The following XKRX variants were observed in gnomAD, a reference collection of about 807,000 sequenced individuals.
XKRX encodes the protein XK related X-linked, also known as XK-related protein 2.
A neutral mutation model predicts 22.4 loss-of-function variants in XKRX; 11 were observed. That is an observed-to-expected ratio of 0.49 (90% CI 0.31 to 0.81). The LOEUF (loss-of-function observed/expected upper bound fraction) is 0.81, where lower values mean the gene tolerates loss of function less well. Among genes scored for constraint, XKRX ranks in the 40% least tolerant of loss-of-function variants. The pLI, the probability that XKRX is intolerant of heterozygous loss-of-function variation, is 0.05. For missense variants in XKRX, 320 were observed against 336.5 expected, an observed-to-expected ratio of 0.95 and a Z score of 0.38; for synonymous variants, 114 against 132.2, an observed-to-expected ratio of 0.86 and a Z score of 0.94.
the XKRX span, among the ~76,000 whole-genome samples, chrX:100,888,996 T>A: frequency 0.028 from 3,036 of 110,286 alleles, 104 homozygotes; most frequent in African/African-American, 0.095. Context: ...CCTAGCACTA[T>A]GGGAGGTTGA....
chrX:100,945,355 G>A, the XKRX span, among the ~76,000 whole-genome samples: 1 of 111,366 alleles, frequency 9.0e-6, no homozygotes, highest in Non-Finnish European at 1.9e-5. Flanking sequence ...CCAAACTCAA[G>A]TGATCTGCCT....
intron 2 of XKRX, among the ~76,000 whole-genome samples, chrX:100,920,018 C>T (rs948830137): frequency 9.0e-6 from 1 of 111,075 alleles, no homozygotes; most frequent in Non-Finnish European, 1.9e-5. Flanking sequence ...TGACATAGGG[C>T]TCCTGCTGCC....
chrX:100,953,629 C>A, the XKRX span, among the ~76,000 whole-genome samples: 1 of 111,571 alleles, frequency 9.0e-6, no homozygotes. Context: ...CCTCTTAAGG[C>A]CAGGCGTGGT....
chrX:100,903,239 T>G, the XKRX span, among the ~76,000 whole-genome samples: 1 of 111,038 alleles, frequency 9.0e-6, no homozygotes, highest in Non-Finnish European at 1.9e-5. Context: ...GATAATGCAA[T>G]AAAGCAAGAA....
chrX:100,935,469 T>A, the XKRX span, among the ~76,000 whole-genome samples: 1 of 112,206 alleles, frequency 8.9e-6, no homozygotes, highest in Non-Finnish European at 1.9e-5. Context: ...AGCTAGCTGC[T>A]AGGTTCTAAA....
downstream of XKRX, chrX:100,910,610 G>T: frequency 2.0e-5 from 5 of 246,329 alleles, no homozygotes; most frequent in East Asian, 6.8e-5. Flanking sequence ...AAAGATTTCA[G>T]AGAGGACTGT....
chrX:100,946,833 T>G, the XKRX span, among the ~76,000 whole-genome samples: 1 of 111,789 alleles, frequency 8.9e-6, no homozygotes, highest in African/African-American at 3.2e-5. Context: ...AGGAACTCAC[T>G]GATGTAATCC....
the XKRX span, among the ~76,000 whole-genome samples, chrX:100,947,980 G>A: frequency 9.5e-6 from 1 of 105,272 alleles, no homozygotes; most frequent in Admixed American, 1.0e-4. Context: ...TTGGCTCATT[G>A]CAACCTCCTC....
the XKRX span, among the ~76,000 whole-genome samples, chrX:100,896,117 C>A: frequency 9.0e-6 from 1 of 111,640 alleles, no homozygotes; most frequent in Non-Finnish European, 1.9e-5. Flanking sequence ...TCCACACTGG[C>A]TCTGTGGAAA....
At chrX:100,923,166 T>C in intron 1 of XKRX, 105 bp from the exon 2 acceptor site, 1 of 1,003,980 alleles carries the variant, frequency 1.0e-6, no homozygotes, top group African/African-American at 1.9e-5. Flanking sequence ...TTTATTTTAT[T>C]TTTGAGACAA....
rs1255930385 is a variant in XKRX at position 100,923,132 on chromosome X, A to G, written c.336-71T>C. ...AAGGGAGGTTGTAGTGAGGGAAAAA[A>G]ATAACTTGGGGAGGTTGTGCTACTT... On this transcript the variant is annotated intron_variant, in intron 1 of 2. Transcript: ENST00000372956. The G allele has an allele frequency of 4.4e-6, 5 of 1,140,757 alleles. No individual in the cohort carries two copies. In the East Asian group the frequency reaches 1.5e-4, roughly 34 times the overall value. The allele number at this position is 1,140,757 out of a possible 1,213,427, so 94.0% of individuals were successfully genotyped here. A position where few individuals can be genotyped will look rare whatever the true frequency, so the allele number is the denominator to read the frequency against.
At chrX:100,922,159 G>T (rs1236159690) in intron 2 of XKRX, among the ~76,000 whole-genome samples, 1 of 110,628 alleles carries the variant, frequency 9.0e-6, no homozygotes, top group African/African-American at 3.3e-5. Flanking sequence ...CTCTCCACTG[G>T]CATTAGCAGA....
chrX:100,954,140 C>T, the XKRX span, among the ~76,000 whole-genome samples: 3 of 110,903 alleles, frequency 2.7e-5, no homozygotes, highest in East Asian at 2.9e-4. Context: ...AAATGACAGC[C>T]GGGCGCAGTG....
chrX:100,949,107 C>T, the XKRX span, among the ~76,000 whole-genome samples: 1 of 112,387 alleles, frequency 8.9e-6, no homozygotes, highest in Non-Finnish European at 1.9e-5. Context: ...GCAGAACTTA[C>T]AATCTCACCC....
upstream of XKRX, among the ~76,000 whole-genome samples, chrX:100,930,539 T>C (rs1373604497): frequency 1.8e-5 from 2 of 110,870 alleles, no homozygotes; most frequent in Non-Finnish European, 3.8e-5. Flanking sequence ...ATCTAAAGGT[T>C]GTCACCTTCT....
rs2147942290 is a variant in XKRX, at chrX:100,923,022, C to T, written c.375G>A (p.Lys125=). 8.3e-7 allele frequency: 1 copy of T among 1,212,052 alleles called. No homozygotes were observed. The highest frequency in any genetic ancestry group is 1.1e-6 in the Non-Finnish European group (1 of 895,591). Residue 125 remains lysine, a synonymous_variant, in exon 2 of 3, where the codon AAG becomes AAA. Transcript: ENST00000372956. ...EAMIKYLTLW[K]KEEQEEPYVS... The stretch of plus-strand genomic sequence containing the variant: ...CATAGGGCTCCTCCTGCTCCTCTTT[C>T]TTCCACAGTGTGAGGTACTTAATCA...
At chrX:100,894,944 C>G in the XKRX span, among the ~76,000 whole-genome samples, 2 of 111,858 alleles carry the variant, frequency 1.8e-5, no homozygotes, top group African/African-American at 3.3e-5. Flanking sequence ...ATGTAAACAC[C>G]TGAGTAGGAT....
chrX:100,944,898 T>C, the XKRX span, among the ~76,000 whole-genome samples: 1 of 110,875 alleles, frequency 9.0e-6, no homozygotes, highest in Non-Finnish European at 1.9e-5. Flanking sequence ...GTCTCAAAAA[T>C]GGCAGCACTG....
At chrX:100,957,413 G>A in the XKRX span, 2 of 1,206,164 alleles carry the variant, frequency 1.7e-6, no homozygotes, top group South Asian at 3.5e-5. Context: ...AGTACCGCAT[G>A]TGCATCCAGT....
Sources: gnomAD v4.1 joint callset for allele counts (sites outside exome capture counted in the v4.1 genomes callset) on GRCh38, gnomAD v4.1.1 for gene constraint, MANE v1.5 for transcripts, NCBI Gene and HGNC (gene_info 2026-07-23, HGNC 2026-07-21) for gene names.